Variants in NPAS3 observed in about 807,000 individuals in gnomAD.
NPAS3 encodes neuronal PAS domain-containing protein 3.
NPAS3 carries 14 observed loss-of-function variants against 73.1 expected under a neutral mutation model. The ratio of observed to expected loss-of-function variants is 0.19; its 90% CI spans 0.13 to 0.30. NPAS3 has a LOEUF of 0.30. Among genes scored for constraint, NPAS3 ranks in the 10% least tolerant of loss-of-function variants. The pLI is 1.00. For missense variants in NPAS3, 1,096 were observed against 1,250.0 expected (o/e 0.88, Z 1.86); for synonymous variants, 620 against 541.5 (o/e 1.14, Z -2.01).
At chr14:33,711,860 G>A (rs76412291) in intron 6 of NPAS3, among the ~76,000 whole-genome samples, 60 of 152,204 alleles carry the variant, frequency 3.9e-4, no homozygotes, top group African/African-American at 1.4e-3. Context: ...CCCCAAGAAA[G>A]AGAGCAGACC....
intron 5 of NPAS3, among the ~76,000 whole-genome samples, chr14:33,627,496 G>T (rs1404672750): frequency 1.3e-5 from 2 of 152,154 alleles, no homozygotes; most frequent in Non-Finnish European, 1.5e-5. Flanking sequence ...CCCAACTGCA[G>T]ATCCTCACGT....
At chr14:33,387,795 T>C (rs1566856955) in intron 4 of NPAS3, among the ~76,000 whole-genome samples, 1 of 152,224 alleles carries the variant, frequency 6.6e-6, no homozygotes, top group Non-Finnish European at 1.5e-5. Context: ...AATATTGATT[T>C]ATGTAATTAT....
At chr14:33,736,476 C>T (rs971317302) in intron 7 of NPAS3, among the ~76,000 whole-genome samples, 3 of 152,168 alleles carry the variant, frequency 2.0e-5, no homozygotes, top group African/African-American at 7.2e-5. Flanking sequence ...GCTCCACCTG[C>T]TCTAGCTCTA....
At chr14:33,371,635 A>T (rs1206120392) in intron 4 of NPAS3, among the ~76,000 whole-genome samples, 2 of 152,150 alleles carry the variant, frequency 1.3e-5, no homozygotes, top group South Asian at 2.1e-4. Flanking sequence ...CCTGCTATTG[A>T]GTATTTTGAT....
intron 4 of NPAS3, among the ~76,000 whole-genome samples, chr14:33,390,530 C>G (rs2046956643): frequency 6.6e-6 from 1 of 152,226 alleles, no homozygotes; most frequent in Non-Finnish European, 1.5e-5. Context: ...CCTCATCCCC[C>G]TATTACATTA....
At chr14:33,593,920 C>A (rs2057154110) in intron 5 of NPAS3, among the ~76,000 whole-genome samples, 1 of 152,126 alleles carries the variant, frequency 6.6e-6, no homozygotes. Flanking sequence ...CCCCTACCAC[C>A]AGCATCCTGT....
intron 3 of NPAS3, among the ~76,000 whole-genome samples, chr14:33,216,337 G>A (rs987123865): frequency 2.0e-5 from 3 of 152,108 alleles, no homozygotes; most frequent in African/African-American, 7.2e-5. Flanking sequence ...CTTTGGAAAA[G>A]TCCCTGTACT....
At chr14:33,540,240 A>G (rs2054449970) in intron 4 of NPAS3, among the ~76,000 whole-genome samples, 1 of 152,208 alleles carries the variant, frequency 6.6e-6, no homozygotes, top group Non-Finnish European at 1.5e-5. Context: ...GAAACTGAAA[A>G]TACCAAATCT....
At chr14:33,457,848 AG>A (rs1300147193) in intron 4 of NPAS3, among the ~76,000 whole-genome samples, 1 of 152,196 alleles carries the variant, frequency 6.6e-6, no homozygotes, top group African/African-American at 2.4e-5. Context: ...AAGGTGGGGC[AG>A]CACCCTGGCC....
intron 4 of NPAS3, among the ~76,000 whole-genome samples, chr14:33,370,371 G>T (rs945696492): frequency 2.6e-5 from 4 of 152,110 alleles, no homozygotes; most frequent in African/African-American, 9.7e-5. Context: ...CAACCAAAGG[G>T]TACATCAGAC....
intron 3 of NPAS3, among the ~76,000 whole-genome samples, chr14:33,361,841 T>C (rs1594769491): frequency 6.6e-6 from 1 of 152,344 alleles, no homozygotes; most frequent in African/African-American, 2.4e-5. Flanking sequence ...TGAGATTTTT[T>C]TTCTGGTATT....
At chr14:33,127,718 GTTCTTTACTCT>G (rs1420922096) in intron 2 of NPAS3, among the ~76,000 whole-genome samples, 1 of 152,128 alleles carries the variant, frequency 6.6e-6, no homozygotes, top group Admixed American at 6.6e-5. Flanking sequence ...TTGGTTTCTA[GTTCTTTACTCT>G]TTTTAGAGGA....
chr14:33,424,053 A>G (rs914750608), intron 4 of NPAS3, among the ~76,000 whole-genome samples: 2 of 152,066 alleles, frequency 1.3e-5, no homozygotes, highest in Non-Finnish European at 2.9e-5. Context: ...AAACAATCAC[A>G]CATGAAAACA....
intron 4 of NPAS3, among the ~76,000 whole-genome samples, chr14:33,379,095 C>T (rs1313203143): frequency 1.3e-5 from 2 of 152,244 alleles, no homozygotes; most frequent in East Asian, 1.9e-4. Context: ...AGATTATCCT[C>T]AGGTTGTAAG....
intron 5 of NPAS3, among the ~76,000 whole-genome samples, chr14:33,570,812 G>A (rs899489959): frequency 1.3e-4 from 20 of 152,224 alleles, no homozygotes; most frequent in African/African-American, 4.6e-4. Context: ...CACCTGGGGC[G>A]GTGCTCAGGA....
At chr14:33,617,674 A>C (rs1361431585) in intron 5 of NPAS3, among the ~76,000 whole-genome samples, 1 of 152,224 alleles carries the variant, frequency 6.6e-6, no homozygotes, top group Non-Finnish European at 1.5e-5. Flanking sequence ...GCTCTGAATG[A>C]ATGGGCAAAA....
At chr14:33,681,274 C>CCAT (rs1427901564) in intron 6 of NPAS3, among the ~76,000 whole-genome samples, 1 of 152,108 alleles carries the variant, frequency 6.6e-6, no homozygotes, top group Non-Finnish European at 1.5e-5. Context: ...GAATTATTTA[C>CCAT]CATCTGGTAT....
intron 6 of NPAS3, among the ~76,000 whole-genome samples, chr14:33,712,022 C>A (rs2060833054): frequency 1.3e-5 from 2 of 152,064 alleles, no homozygotes; most frequent in South Asian, 4.1e-4. Context: ...TGTTCTCAGG[C>A]AGAAGAGATA....
intron 4 of NPAS3, among the ~76,000 whole-genome samples, chr14:33,428,170 A>C (rs902000329): frequency 1.3e-5 from 2 of 152,094 alleles, no homozygotes; most frequent in African/African-American, 4.8e-5. Flanking sequence ...GATCTAGTGC[A>C]TGGATATTAA....
Sources: gnomAD v4.1 joint callset for allele counts (sites outside exome capture counted in the v4.1 genomes callset) on GRCh38, gnomAD v4.1.1 for gene constraint, MANE v1.5 for transcripts, NCBI Gene and HGNC (gene_info 2026-07-23, HGNC 2026-07-21) for gene names.